The following SCN1A variants were observed in gnomAD, a reference collection of about 807,000 sequenced individuals.
The protein encoded by SCN1A is sodium channel protein type 1 subunit alpha.
Under a neutral mutation model 193.7 loss-of-function variants are expected in SCN1A, and 13 were observed. That is an observed-to-expected ratio of 0.07 (90% confidence interval 0.04 to 0.11). The LOEUF (loss-of-function observed/expected upper bound fraction) is 0.11, where lower values mean the gene tolerates loss of function less well. SCN1A is among the 10% of genes least tolerant of loss of function. The pLI is 1.00. For synonymous variants in SCN1A, 781 were observed against 843.6 expected, an observed-to-expected ratio of 0.93 and a Z score of 1.29; for missense variants, 1,432 against 2,451.1, an observed-to-expected ratio of 0.58 and a Z score of 8.78.
chr2:166,058,622 A>G lies in SCN1A; in HGVS notation c.331T>C (p.Leu111=). 1.2e-6 allele frequency: 2 copies of G among 1,612,706 alleles called. No individual in the cohort carries two copies. The highest frequency in any genetic ancestry group is 1.7e-6 in the Non-Finnish European group (2 of 1,178,874). Residue 111 remains leucine, a synonymous_variant, in exon 5 of 29, where the codon TTA becomes CTA. Coordinates refer to ENST00000674923, the MANE Select transcript of SCN1A (RefSeq NM_001165963.4). ...TTCCTAAGAGGATTGAAGGGAGTTA[A>G]AATGTACAGGGCAGAGGTGGCACTG... is the stretch of plus-strand genomic sequence containing the variant. ...RFSATSALYI[L]TPFNPLRKIA...
chr2:166,026,388 A>G (rs75072854), intron 19 of SCN1A, among the ~76,000 whole-genome samples: 5,090 of 152,150 alleles, frequency 0.033, 319 homozygotes, highest in African/African-American at 0.12. Flanking sequence ...ATTATTAAAT[A>G]CTCAAAAAGG....
intron 4 of SCN1A, 68 bp downstream of exon 4, chr2:166,073,290 G>T: frequency 6.3e-7 from 1 of 1,579,624 alleles, no homozygotes; most frequent in Non-Finnish European, 8.7e-7. Context: ...GCATGTGTTG[G>T]TGCTACAACA....
intron 26 of SCN1A, among the ~76,000 whole-genome samples, chr2:165,997,764 T>A (rs534352308): frequency 1.3e-5 from 2 of 151,340 alleles, no homozygotes; most frequent in African/African-American, 4.8e-5. Context: ...TTATTCTAAT[T>A]ATTATTTTTT....
In SCN1A at chr2:165,986,154, A is replaced by G. The variant is rs1386644133; in HGVS notation, c.*5091T>C. On this transcript the variant is annotated 3_prime_UTR_variant, in exon 29 of 29. Coordinates refer to ENST00000674923, the MANE Select transcript of SCN1A (RefSeq NM_001165963.4). Reference sequence around the variant, plus strand: ...CATCATTTCCAAAGAACATTTAAACATTAAATGGTATTAGTCTTTAGAAAA... The same window carrying G: ...CATCATTTCCAAAGAACATTTAAACGTTAAATGGTATTAGTCTTTAGAAAA... The G allele has an allele frequency of 6.6e-6, 1 of 152,212 alleles. No homozygotes were observed. Among genetic ancestry groups the G allele is most frequent in the Non-Finnish European group, 1.5e-5 (1 of 68,022 alleles). 9.4% of individuals were successfully genotyped at this position (152,212 alleles called of 1,614,324 possible).
At chr2:166,044,868 A>T (rs1697607353) in intron 13 of SCN1A, among the ~76,000 whole-genome samples, 175 bp downstream of exon 13, 1 of 152,192 alleles carries the variant, frequency 6.6e-6, no homozygotes, top group African/African-American at 2.4e-5. Flanking sequence ...CTGTAGACTT[A>T]CATATCTGTG....
chr2:166,102,068 A>G (rs748870747), intron 2 of SCN1A, among the ~76,000 whole-genome samples: 3 of 152,226 alleles, frequency 2.0e-5, no homozygotes, highest in Non-Finnish European at 4.4e-5. Context: ...AAGAATTAAA[A>G]AGACAGTTCT....
At position 165,986,695 on chromosome 2, in the gene SCN1A, G is replaced by C; in HGVS notation, c.*4550C>G. On this transcript the variant is annotated 3_prime_UTR_variant, in exon 29 of 29. Transcript: ENST00000674923. The stretch of plus-strand genomic sequence containing the variant: ...GACATAGGCACTTCAGTAACACACA[G>C]CAAAAAAAAAAAAAAAATCCTCCCC... The C allele has an allele frequency of 9.7e-5, 1 of 10,282 alleles. No individual in the cohort carries two copies. The highest frequency in any genetic ancestry group is 2.9e-4 in the African/African-American group (1 of 3,460). The allele number at this position is 10,282 out of a possible 1,614,324, so 0.6% of individuals were successfully genotyped here.
At chr2:166,051,610 T>C in intron 9 of SCN1A, 109 bp downstream of exon 9, 1 of 814,034 alleles carries the variant, frequency 1.2e-6, no homozygotes. Flanking sequence ...CAATGTGTGC[T>C]AATCACATCA....
chr2:166,042,532 T>G, intron 14 of SCN1A, 108 bp from the exon 15 acceptor site: 1 of 994,776 alleles, frequency 1.0e-6, no homozygotes, highest in Non-Finnish European at 1.6e-6. Context: ...ATCATGCACT[T>G]TCATATTCAA....
chr2:166,137,344 T>C (rs1691901938), intron 1 of SCN1A, among the ~76,000 whole-genome samples: 1 of 152,168 alleles, frequency 6.6e-6, no homozygotes, highest in South Asian at 2.1e-4. Context: ...TAGTATATGG[T>C]AGTGTATGAT....
intron 19 of SCN1A, among the ~76,000 whole-genome samples, chr2:166,020,110 C>T (rs1467963843): frequency 6.6e-6 from 1 of 151,904 alleles, no homozygotes. Context: ...CAGGGTTTCA[C>T]CATGTTAGCC....
intron 2 of SCN1A, among the ~76,000 whole-genome samples, chr2:166,115,253 G>C (rs1050433209): frequency 6.6e-6 from 1 of 152,110 alleles, no homozygotes. Context: ...CCGCCACTTG[G>C]GGGGCTGAGA....
At chr2:166,119,990 T>A (rs1690350528) in intron 2 of SCN1A, among the ~76,000 whole-genome samples, 1 of 151,972 alleles carries the variant, frequency 6.6e-6, no homozygotes, top group African/African-American at 2.4e-5. Context: ...TAAGAAACAA[T>A]ACCAAAGCAT....
At chr2:166,089,202 C>T (rs1043719647) in intron 2 of SCN1A, among the ~76,000 whole-genome samples, 1 of 151,998 alleles carries the variant, frequency 6.6e-6, no homozygotes, top group African/African-American at 2.4e-5. Flanking sequence ...GTGATATTCC[C>T]TTCCCTGTGT....
chr2:166,022,483 A>G (rs1694204596), intron 19 of SCN1A, among the ~76,000 whole-genome samples: 1 of 152,218 alleles, frequency 6.6e-6, no homozygotes, highest in Non-Finnish European at 1.5e-5. Context: ...AAGAATTGAC[A>G]GTATGTTGAA....
intron 9 of SCN1A, 97 bp downstream of exon 9, chr2:166,051,622 G>T: frequency 1.1e-6 from 1 of 945,990 alleles, no homozygotes; most frequent in Non-Finnish European, 1.6e-6. Flanking sequence ...ATCACATCAT[G>T]TAAAATGGGA....
chr2:165,995,773 G>A (rs1559113848), intron 27 of SCN1A, among the ~76,000 whole-genome samples: 1 of 151,544 alleles, frequency 6.6e-6, no homozygotes, highest in African/African-American at 2.4e-5. Flanking sequence ...ATTGTAATGG[G>A]GTGCTTCTAA....
intron 2 of SCN1A, among the ~76,000 whole-genome samples, chr2:166,112,167 T>C (rs933651781): frequency 6.6e-6 from 1 of 152,148 alleles, no homozygotes; most frequent in African/African-American, 2.4e-5. Flanking sequence ...GAGGAATCTT[T>C]TGTGAAAGGA....
intron 12 of SCN1A, among the ~76,000 whole-genome samples, chr2:166,045,616 T>G (rs1697744411): frequency 6.6e-6 from 1 of 152,266 alleles, no homozygotes; most frequent in African/African-American, 2.4e-5. Flanking sequence ...AGAAAATAAA[T>G]TCATTACTTT....
Sources: gnomAD v4.1 joint callset for allele counts (sites outside exome capture counted in the v4.1 genomes callset) on GRCh38, gnomAD v4.1.1 for gene constraint, MANE v1.5 for transcripts, NCBI Gene and HGNC (gene_info 2026-07-23, HGNC 2026-07-21) for gene names.